ZNF107: variants seen among roughly 807,000 people sequenced by gnomAD.
ZNF107 encodes zinc finger protein 107.
A neutral mutation model predicts 12.3 loss-of-function variants in ZNF107; 19 were observed. That is an observed-to-expected ratio of 1.55 (90% CI 1.08 to 2.27). ZNF107 has a LOEUF of 2.27. Ranked by LOEUF, ZNF107 falls within the 30% of genes most tolerant of loss-of-function variation. ZNF107 has a pLI of 0.00. For missense variants in ZNF107, 958 were observed against 979.9 expected, an observed-to-expected ratio of 0.98 and a Z score of 0.30; for synonymous variants, 317 against 330.5, an observed-to-expected ratio of 0.96 and a Z score of 0.44.
intron 3 of ZNF107, among the ~76,000 whole-genome samples, chr7:64,702,758 T>C (rs1790517993): frequency 6.6e-6 from 1 of 151,914 alleles, no homozygotes; most frequent in South Asian, 2.1e-4. Context: ...GGTTTCTCCA[T>C]GTTGGTCAGG....
rs972551736 is a variant in ZNF107 at position 64,686,640 on chromosome 7, A to C, written c.4-4608A>C. ...GGCCATTAAGAACTCTGTGACCAGC[A>C]CATATGCCTCCAGACTTCCTGGAAC... On this transcript the variant is annotated intron_variant, in intron 1 of 3. Coordinates refer to ENST00000620827, the MANE Select transcript of ZNF107 (RefSeq NM_001282359.2). 9.1e-6 allele frequency: 9 copies of C among 985,202 alleles called. No individual in the cohort carries two copies. The African/African-American group carries it at 1.6e-4, about 17-fold the overall frequency. 61.0% of individuals were successfully genotyped at this position (985,202 alleles called of 1,614,324 possible).
chr7:64,691,639 G>T (rs977254559), intron 2 of ZNF107, among the ~76,000 whole-genome samples: 1 of 152,066 alleles, frequency 6.6e-6, no homozygotes, highest in Admixed American at 6.5e-5. Flanking sequence ...ATGAAATATT[G>T]TTGCCCACGC....
Position 64,706,477 on chromosome 7 carries a change from A to G in ZNF107, c.380A>G (p.Lys127Arg). The G allele has an allele frequency of 6.2e-7, 1 of 1,613,594 alleles. No homozygotes were observed. Among genetic ancestry groups the G allele is most frequent in the Non-Finnish European group, 8.5e-7 (1 of 1,179,608 alleles). ...CATGTGGATGAGTGTACGGGGCACA[A>G]AGGAGGTCATAATACAGTTAACCAA... ...CKHVDECTGH[K>R]GGHNTVNQCL... The change falls in exon 4 of 4, where the codon AAA becomes AGA. Residue 127 changes from lysine (K) to arginine (R), a missense_variant. Lys to Arg is a conservative substitution (Grantham distance 26, BLOSUM62 2). Transcript: ENST00000620827.
chr7:64,705,967 T>G (rs1191902279), intron 3 of ZNF107, among the ~76,000 whole-genome samples: 1 of 149,968 alleles, frequency 6.7e-6, no homozygotes, highest in Non-Finnish European at 1.5e-5. Flanking sequence ...TTTCTTGTCT[T>G]TAAAAAAAAA....
chr7:64,699,772 A>G (rs1259511714), intron 3 of ZNF107, among the ~76,000 whole-genome samples: 2 of 152,148 alleles, frequency 1.3e-5, no homozygotes, highest in East Asian at 1.9e-4. Flanking sequence ...GCAAATAAGA[A>G]TATTGTACAT....
rs546518962 is a variant in ZNF107, at chr7:64,699,726, A to G, written c.227-6598A>G. Among the ~76,000 whole-genome samples the G allele has an allele frequency of 9.3e-4, 141 of 152,244 alleles. 1 individual carries two copies. Among genetic ancestry groups the G allele is most frequent in the African/African-American group, 3.4e-3 (140 of 41,558 alleles). ...GTTCACTGGTATTTTTAAATTTCAT[A>G]AGACTTGGTTTGATTCCTAACAGAA... On this transcript the variant is annotated intron_variant, in intron 3 of 3. Coordinates refer to ENST00000620827, the MANE Select transcript of ZNF107 (RefSeq NM_001282359.2).
intron 3 of ZNF107, among the ~76,000 whole-genome samples, chr7:64,695,168 A>G (rs1790248776): frequency 6.6e-6 from 1 of 152,082 alleles, no homozygotes; most frequent in African/African-American, 2.4e-5. Context: ...CTTTGCTTCT[A>G]AAGTAAGGTT....
intron 1 of ZNF107, among the ~76,000 whole-genome samples, chr7:64,683,608 C>A (rs1205041501): frequency 6.6e-6 from 1 of 152,180 alleles, no homozygotes; most frequent in African/African-American, 2.4e-5. Context: ...GCAATCTATT[C>A]TCTTATCCCT....
chr7:64,697,747 G>A (rs775053994), intron 3 of ZNF107, among the ~76,000 whole-genome samples: 1 of 149,284 alleles, frequency 6.7e-6, no homozygotes, highest in African/African-American at 2.5e-5. Flanking sequence ...CTGGAGTGCA[G>A]TGGCTCAACC....
At chr7:64,668,863 A>G (rs915073056) in intron 1 of ZNF107, among the ~76,000 whole-genome samples, 3 of 152,170 alleles carry the variant, frequency 2.0e-5, no homozygotes, top group African/African-American at 7.2e-5. Flanking sequence ...ACATTTTTAC[A>G]AGAAAATGTG....
intron 1 of ZNF107, among the ~76,000 whole-genome samples, chr7:64,672,898 T>C (rs6955471): frequency 0.93 from 141,619 of 152,270 alleles, 65,886 homozygotes; most frequent in African/African-American, 0.94. Context: ...CTAATTTACA[T>C]TCCCACAGGC....
chr7:64,708,299 A>G lies in ZNF107; in HGVS notation c.2202A>G (p.Lys734=), dbSNP rs1459844616. 3 of 1,613,540 alleles carry G rather than the reference A, an allele frequency of 1.9e-6. No homozygotes were observed. In the East Asian group the frequency reaches 6.7e-5, roughly 36 times the overall value. The change falls in exon 4 of 4, where the codon AAA becomes AAG. Residue 734 remains lysine (K), a synonymous_variant. Transcript: ENST00000620827. ...KIIHTGEKPY[K]CKECGKAFNL... is the part of the protein sequence containing the mutation. The stretch of plus-strand genomic sequence containing the variant: ...TTCATACTGGAGAGAAACCTTACAA[A>G]TGTAAAGAATGTGGCAAAGCTTTTA...
intron 3 of ZNF107, among the ~76,000 whole-genome samples, chr7:64,696,067 A>G (rs922843472): frequency 6.2e-5 from 9 of 144,284 alleles, no homozygotes; most frequent in Non-Finnish European, 1.1e-4. Context: ...CCTCTCTACA[A>G]TTTTTTTTTT....
rs1163102977 is a variant in ZNF107 at position 64,707,680 on chromosome 7, A to C, written c.1583A>C (p.Lys528Thr). The C allele has an allele frequency of 3.1e-6, 5 of 1,612,890 alleles. No homozygotes were observed. Among genetic ancestry groups the C allele is most frequent in the East Asian group, 2.2e-5 (1 of 44,806 alleles). Reference sequence around the variant, plus strand: ...CAGTCTTCAAACCTTACTGAACATAAGAAAATTCATACTGGAGAGAAACCC... The same window carrying C: ...CAGTCTTCAAACCTTACTGAACATACGAAAATTCATACTGGAGAGAAACCC... Reference protein sequence around the residue: ...FSQSSNLTEHKKIHTGEKPYK... With the variant: ...FSQSSNLTEHTKIHTGEKPYK... The change falls in exon 4 of 4, where the codon AAG becomes ACG. Residue 528 changes from lysine (K) to threonine (T), a missense_variant. Coordinates refer to ENST00000620827, the MANE Select transcript of ZNF107 (RefSeq NM_001282359.2).
At chr7:64,692,071 A>C (rs1790137270) in intron 3 of ZNF107, 111 bp downstream of exon 3, 1 of 708,886 alleles carries the variant, frequency 1.4e-6, no homozygotes, top group Non-Finnish European at 2.0e-6. Context: ...CAAAGGAAAT[A>C]GTTTCTGGAA....
chr7:64,707,352 C>A lies in ZNF107; in HGVS notation c.1255C>A (p.His419Asn), dbSNP rs1191667344. The A allele has an allele frequency of 6.2e-7, 1 of 1,613,292 alleles. No homozygotes were observed. Among genetic ancestry groups the A allele is most frequent in the African/African-American group, 1.3e-5 (1 of 75,000 alleles). Residue 419 changes from histidine to asparagine, a missense_variant, in exon 4 of 4, where the codon CAT (histidine) becomes AAT (asparagine). His to Asn is a moderately conservative substitution (Grantham distance 68, BLOSUM62 1). Coordinates refer to ENST00000620827, the MANE Select transcript of ZNF107 (RefSeq NM_001282359.2). ...AACTCTTACTAGACATAAGATAATT[C>A]ATACTGGAGAGAAACCCTACAAATG... ...FSTLTRHKIIHTGEKPYKCKE... is the reference protein window; with the variant it reads ...FSTLTRHKIINTGEKPYKCKE...
intron 3 of ZNF107, among the ~76,000 whole-genome samples, chr7:64,701,972 TTTA>T (rs1424234196): frequency 2.0e-5 from 3 of 152,150 alleles, no homozygotes; most frequent in Admixed American, 6.5e-5. Context: ...CTATTATCAT[TTTA>T]TTATTATTGT....
Position 64,708,944 on chromosome 7 carries a change from T to A in ZNF107, c.*288T>A, listed in dbSNP as rs530650411. The A allele has an allele frequency of 4.3e-5, 22 of 514,812 alleles. No homozygotes were observed. Among genetic ancestry groups the A allele is most frequent in the Non-Finnish European group, 6.8e-5 (19 of 280,846 alleles). 31.9% of individuals were successfully genotyped at this position (514,812 alleles called of 1,614,324 possible). On this transcript the variant is annotated 3_prime_UTR_variant, in exon 4 of 4. Coordinates refer to ENST00000620827, the MANE Select transcript of ZNF107 (RefSeq NM_001282359.2). ...CTTTTACTAAACATAAGGTAATTCA[T>A]ACTGGAGAAAAGCCATACAAATGAG... is the stretch of plus-strand genomic sequence containing the variant.
At chr7:64,691,579 AAT>A (rs1790120007) in intron 2 of ZNF107, among the ~76,000 whole-genome samples, 1 of 152,206 alleles carries the variant, frequency 6.6e-6, no homozygotes, top group Non-Finnish European at 1.5e-5. Context: ...TTAGTGAGCT[AAT>A]CTGTATTTTT....
Sources: gnomAD v4.1 joint callset for allele counts (sites outside exome capture counted in the v4.1 genomes callset) on GRCh38, gnomAD v4.1.1 for gene constraint, MANE v1.5 for transcripts, NCBI Gene and HGNC (gene_info 2026-07-23, HGNC 2026-07-21) for gene names.